DZIP1L: variants seen among roughly 807,000 people sequenced by gnomAD.
DZIP1L encodes the protein DAZ interacting zinc finger protein 1 like.
A neutral mutation model predicts 88.7 loss-of-function variants in DZIP1L; 90 were observed. That is an observed-to-expected ratio of 1.02 (90% confidence interval 0.86 to 1.21). The LOEUF is 1.21. Among genes scored for constraint, DZIP1L ranks in the 50% most tolerant of loss-of-function variants. The probability of loss-of-function intolerance (pLI) is 0.00; values close to 1 mark genes in which losing one functional copy is unlikely to be tolerated. For synonymous variants in DZIP1L, 363 were observed against 372.1 expected, an observed-to-expected ratio of 0.98 and a Z score of 0.28; for missense variants, 932 against 955.8, an observed-to-expected ratio of 0.98 and a Z score of 0.33.
chr3:138,088,570 C>T (rs1944060454), intron 5 of DZIP1L, 63 bp from the exon 6 acceptor site: 6 of 1,565,882 alleles, frequency 3.8e-6, no homozygotes, highest in East Asian at 2.3e-5. Flanking sequence ...GTCTTTTATA[C>T]CCAGAACAGT....
At chr3:138,105,567 T>C (rs1157727983) in intron 1 of DZIP1L, among the ~76,000 whole-genome samples, 1 of 152,104 alleles carries the variant, frequency 6.6e-6, no homozygotes, top group African/African-American at 2.4e-5. Context: ...ATGTAAATGC[T>C]ATAAAAATAG....
intron 2 of DZIP1L, among the ~76,000 whole-genome samples, chr3:138,098,049 G>A (rs781313032): frequency 6.6e-6 from 1 of 152,170 alleles, no homozygotes; most frequent in Non-Finnish European, 1.5e-5. Flanking sequence ...CCAGTGTCCC[G>A]GGAAACTGTC....
intron 12 of DZIP1L, chr3:138,068,932 T>A: frequency 8.0e-7 from 1 of 1,249,624 alleles, no homozygotes; most frequent in South Asian, 3.5e-5. Flanking sequence ...CAAGTTTTTA[T>A]GGGAAGAGAA....
rs1295576638 is a variant in DZIP1L, at chr3:138,077,480, C to T, written c.1422+19G>A. On this transcript the variant is annotated intron_variant, in intron 11 of 15. Transcript: ENST00000327532. ...AAATCGTAGGTATCAGCCCTTAAAA[C>T]GATGGCCCTGAAACTCACCTTCCTT... 10 of 1,613,490 alleles carry T rather than the reference C, an allele frequency of 6.2e-6. No homozygotes were observed. The highest frequency in any genetic ancestry group is 5.5e-5 in the South Asian group (5 of 91,016).
chr3:138,106,948 T>G (rs533763751), intron 1 of DZIP1L, among the ~76,000 whole-genome samples: 1 of 152,092 alleles, frequency 6.6e-6, no homozygotes, highest in Admixed American at 6.5e-5. Flanking sequence ...TGTCTTCTTC[T>G]GTGAAAGGCA....
At chr3:138,068,901 A>G in intron 12 of DZIP1L, 1 of 1,252,760 alleles carries the variant, frequency 8.0e-7, no homozygotes, top group South Asian at 3.3e-5. Context: ...ACCTATAGCC[A>G]CAAGAGCGGT....
In DZIP1L at chr3:138,092,519, T is replaced by C; in HGVS notation, c.734A>G (p.Glu245Gly). 6.3e-7 allele frequency: 1 copy of C among 1,598,886 alleles called. No homozygotes were observed. Among genetic ancestry groups the C allele is most frequent in the Non-Finnish European group, 8.5e-7 (1 of 1,175,650 alleles). Reference protein sequence around the residue: ...LQEAELIHQREIEAKKEFDKW... With the variant: ...LQEAELIHQRGIEAKKEFDKW... ...ATCAAATTCTTTCTTAGCTTCTATT[T>C]CCCTCTGATGAATGAGCTCTGCTTC... Residue 245 changes from glutamate (E) to glycine (G), a missense_variant, in exon 5 of 16, where the codon GAA (glutamate) becomes GGA (glycine). Coordinates refer to ENST00000327532, the MANE Select transcript of DZIP1L (RefSeq NM_173543.3).
At chr3:138,074,521 G>A (rs1001795209) in intron 11 of DZIP1L, among the ~76,000 whole-genome samples, 8 of 152,074 alleles carry the variant, frequency 5.3e-5, no homozygotes, top group Non-Finnish European at 8.8e-5. Context: ...GAGAGAATCC[G>A]CCACTACCAA....
intron 14 of DZIP1L, among the ~76,000 whole-genome samples, chr3:138,066,246 T>C (rs901926978): frequency 7.9e-5 from 12 of 152,252 alleles, no homozygotes; most frequent in Non-Finnish European, 8.8e-5. Context: ...AAAATGTTCA[T>C]GGTAGGAAAC....
intron 1 of DZIP1L, among the ~76,000 whole-genome samples, chr3:138,115,087 AG>A (rs2042670742): frequency 6.6e-6 from 1 of 152,032 alleles, no homozygotes; most frequent in Non-Finnish European, 1.5e-5. Flanking sequence ...TGGGCGCCGC[AG>A]TTCGGAGCAG....
chr3:138,077,733 G>C, intron 10 of DZIP1L, 101 bp from the exon 11 acceptor site: 1 of 1,526,206 alleles, frequency 6.6e-7, no homozygotes, highest in Admixed American at 1.8e-5. Context: ...CAGGAATCCT[G>C]GTCGGTTAAC....
At chr3:138,080,434 A>G in intron 10 of DZIP1L, 133 bp downstream of exon 10, 2 of 890,990 alleles carry the variant, frequency 2.2e-6, no homozygotes, top group Non-Finnish European at 3.5e-6. Flanking sequence ...AAGAAATATT[A>G]TTTCATGTCC....
chr3:138,072,442 T>C (rs1943225313), intron 11 of DZIP1L, among the ~76,000 whole-genome samples: 2 of 152,182 alleles, frequency 1.3e-5, no homozygotes, highest in South Asian at 2.1e-4. Flanking sequence ...TAGTCAGTAG[T>C]TGAAAACAAT....
At chr3:138,076,066 C>A (rs1485261053) in intron 11 of DZIP1L, among the ~76,000 whole-genome samples, 1 of 152,146 alleles carries the variant, frequency 6.6e-6, no homozygotes, top group Admixed American at 6.5e-5. Flanking sequence ...GGACGAGTGG[C>A]TGAGGAGTGG....
rs1359840944 is a variant in DZIP1L at position 138,062,366 on chromosome 3, C to T, written c.*450G>A. 1 of 159,892 alleles carries T rather than the reference C, an allele frequency of 6.3e-6. No individual in the cohort carries two copies. Among genetic ancestry groups the T allele is most frequent in the Non-Finnish European group, 1.4e-5 (1 of 71,908 alleles). 9.9% of individuals were successfully genotyped at this position (159,892 alleles called of 1,614,324 possible). ...TAGTGAGAGGCTAGAGAGCCTGGCG[C>T]AGAGTAGGTAGGCACTCAGTAAATA... On this transcript the variant is annotated 3_prime_UTR_variant, in exon 16 of 16. Transcript: ENST00000327532.
chr3:138,102,596 T>C, intron 2 of DZIP1L: 1 of 1,470,546 alleles, frequency 6.8e-7, no homozygotes, highest in East Asian at 2.3e-5. Flanking sequence ...AACCATACCT[T>C]GTCTATGAAG....
chr3:138,080,184 G>A (rs2107769266), intron 10 of DZIP1L, among the ~76,000 whole-genome samples: 2 of 152,286 alleles, frequency 1.3e-5, no homozygotes, highest in East Asian at 3.9e-4. Context: ...GAAAAAAACA[G>A]CAAAGGCCAT....
intron 1 of DZIP1L, among the ~76,000 whole-genome samples, chr3:138,112,689 G>A (rs2107874389): frequency 6.6e-6 from 1 of 152,318 alleles, no homozygotes; most frequent in Non-Finnish European, 1.5e-5. Context: ...GCTCTCGCCT[G>A]TAATCCCAGC....
At chr3:138,085,113 G>T (rs1269520191) in intron 7 of DZIP1L, among the ~76,000 whole-genome samples, 2 of 152,142 alleles carry the variant, frequency 1.3e-5, no homozygotes, top group South Asian at 2.1e-4. Context: ...ATTCAAGATG[G>T]ATTAAAGTCT....
Sources: gnomAD v4.1 joint callset for allele counts (sites outside exome capture counted in the v4.1 genomes callset) on GRCh38, gnomAD v4.1.1 for gene constraint, MANE v1.5 for transcripts, NCBI Gene and HGNC (gene_info 2026-07-23, HGNC 2026-07-21) for gene names.